ARHGAP6: variants seen among roughly 807,000 people sequenced by gnomAD.
The protein encoded by ARHGAP6 is Rho GTPase activating protein 6, also known as rho GTPase-activating protein 6.
A neutral mutation model predicts 55.7 loss-of-function variants in ARHGAP6; 16 were observed. The observed-to-expected ratio is 0.29, with a 90% CI of 0.19 to 0.44. ARHGAP6 has a LOEUF of 0.44. Among genes scored for constraint, ARHGAP6 ranks in the 20% least tolerant of loss-of-function variants. The probability of loss-of-function intolerance (pLI) is 1.00; values close to 1 mark genes in which losing one functional copy is unlikely to be tolerated. For missense variants in ARHGAP6, 698 were observed against 808.9 expected, an observed-to-expected ratio of 0.86 and a Z score of 1.66; for synonymous variants, 382 against 360.9, an observed-to-expected ratio of 1.06 and a Z score of -0.66.
intron 1 of ARHGAP6, among the ~76,000 whole-genome samples, chrX:11,413,851 AT>A (rs747375131): frequency 8.9e-6 from 1 of 112,364 alleles, no homozygotes; most frequent in African/African-American, 3.2e-5. Flanking sequence ...GACAAGGCAA[AT>A]AGTTTTCAGA....
intron 10 of ARHGAP6, among the ~76,000 whole-genome samples, chrX:11,151,915 C>G (rs1342294254): frequency 8.9e-6 from 1 of 111,850 alleles, no homozygotes; most frequent in African/African-American, 3.2e-5. Context: ...TGCTTTTAGA[C>G]ACAATGCTAT....
chrX:11,496,512 A>T (rs1431610187), intron 1 of ARHGAP6, among the ~76,000 whole-genome samples: 4 of 112,253 alleles, frequency 3.6e-5, no homozygotes, highest in Non-Finnish European at 7.5e-5. Context: ...AGTGTTCCTC[A>T]TTACAGTTGA....
chrX:11,557,490 A>AG (rs1328698407), intron 1 of ARHGAP6, among the ~76,000 whole-genome samples: 1 of 111,392 alleles, frequency 9.0e-6, no homozygotes, highest in Admixed American at 9.5e-5. Context: ...AGGCAAAAAA[A>AG]AAAAATTATG....
At chrX:11,631,525 TAA>T (rs111774178) in intron 1 of ARHGAP6, among the ~76,000 whole-genome samples, 2 of 98,068 alleles carry the variant, frequency 2.0e-5, no homozygotes, top group African/African-American at 3.7e-5. Flanking sequence ...AAACTCCGTC[TAA>T]AAAAAAAAAA....
At chrX:11,657,849 C>G (rs554232803) in intron 1 of ARHGAP6, among the ~76,000 whole-genome samples, 10 of 111,602 alleles carry the variant, frequency 9.0e-5, no homozygotes, top group African/African-American at 3.3e-4. Context: ...CCAAGATTCT[C>G]TGTGTGTGAT....
In ARHGAP6 at chrX:11,186,402, A is replaced by G; in HGVS notation, c.1107T>C (p.Asp369=). The change falls in exon 5 of 13, where the codon GAT becomes GAC. Residue 369 remains aspartate (D), a synonymous_variant. Transcript: ENST00000337414. The part of the protein sequence containing the change: ...RGAMSVDSIT[D]LDDNQSRLLE... Reference sequence around the variant, plus strand: ...GTAGTCGAGACTGATTGTCATCAAGATCGGTGATAGAATCCACTGACATGG... The same window carrying G: ...GTAGTCGAGACTGATTGTCATCAAGGTCGGTGATAGAATCCACTGACATGG... 8.3e-7 allele frequency: 1 copy of G among 1,211,136 alleles called. No individual in the cohort carries two copies. Among genetic ancestry groups the G allele is most frequent in the Non-Finnish European group, 1.1e-6 (1 of 895,217 alleles).
chrX:11,242,268 G>A (rs1049501781), intron 2 of ARHGAP6, among the ~76,000 whole-genome samples: 3 of 112,137 alleles, frequency 2.7e-5, no homozygotes, highest in Non-Finnish European at 5.6e-5. Context: ...AGGTAGGGAA[G>A]CTGATCTCAT....
chrX:11,378,885 C>A (rs1197901550), intron 1 of ARHGAP6, among the ~76,000 whole-genome samples: 1 of 112,717 alleles, frequency 8.9e-6, no homozygotes, highest in Non-Finnish European at 1.9e-5. Context: ...TTCACTCAAG[C>A]CAACTTTCTC....
At chrX:11,412,785 T>C (rs750016007) in intron 1 of ARHGAP6, among the ~76,000 whole-genome samples, 2 of 112,449 alleles carry the variant, frequency 1.8e-5, no homozygotes, top group Admixed American at 9.4e-5. Flanking sequence ...CAAGAAAATA[T>C]TGTTCCCGAA....
intron 1 of ARHGAP6, among the ~76,000 whole-genome samples, chrX:11,476,708 T>A (rs1269638987): frequency 9.0e-6 from 1 of 111,024 alleles, no homozygotes; most frequent in Non-Finnish European, 1.9e-5. Context: ...TCAACAAAGG[T>A]GTCAAAAGTA....
intron 2 of ARHGAP6, among the ~76,000 whole-genome samples, chrX:11,234,123 A>G (rs1198674918): frequency 2.7e-5 from 3 of 111,680 alleles, no homozygotes; most frequent in Non-Finnish European, 5.7e-5. Context: ...AAAAATAACC[A>G]CTCTTTGAAA....
intron 1 of ARHGAP6, among the ~76,000 whole-genome samples, chrX:11,464,345 T>C (rs1406536731): frequency 8.9e-6 from 1 of 112,497 alleles, no homozygotes; most frequent in African/African-American, 3.2e-5. Flanking sequence ...TAAGCTCATA[T>C]GATTAATTTT....
At chrX:11,199,968 C>T (rs750618486) in intron 2 of ARHGAP6, among the ~76,000 whole-genome samples, 1 of 112,106 alleles carries the variant, frequency 8.9e-6, no homozygotes, top group South Asian at 3.7e-4. Flanking sequence ...TCTTGGAGTC[C>T]CCCATTTTTG....
rs766331432 is a variant in ARHGAP6, at chrX:11,664,380, C to T, written c.449G>A (p.Arg150Gln). Residue 150 changes from arginine (R) to glutamine (Q), a missense_variant, in exon 1 of 13, where the codon CGA becomes CAA. This residue lies in a region of ARHGAP6 where 164 missense variants were observed against 149.2 expected (regional missense o/e 1.10). Coordinates refer to ENST00000337414, the MANE Select transcript of ARHGAP6 (RefSeq NM_013427.3). ...TGAACAGAGGATGCTGGAAGCGCTT[C>T]GGCTACTGGCTGGCCCGGCCAGGAC... ...PSVLAGPASS[R>Q]SASSILCSSG... is the part of the protein sequence containing the mutation. The T allele has an allele frequency of 1.3e-5, 16 of 1,211,136 alleles. No homozygotes were observed. The East Asian group carries it at 3.6e-4, about 27-fold the overall frequency.
At chrX:11,614,449 A>G (rs1315443534) in intron 1 of ARHGAP6, among the ~76,000 whole-genome samples, 1 of 111,574 alleles carries the variant, frequency 9.0e-6, no homozygotes, top group Admixed American at 9.5e-5. Flanking sequence ...AGCAGGAGAG[A>G]GAGAACCAAG....
chrX:11,514,734 T>C (rs2050819836), intron 1 of ARHGAP6, among the ~76,000 whole-genome samples: 1 of 111,144 alleles, frequency 9.0e-6, no homozygotes, highest in African/African-American at 3.3e-5. Flanking sequence ...TTCAGTATCT[T>C]CTTGATTTGA....
At chrX:11,149,238 C>A (rs2045741362) in intron 10 of ARHGAP6, among the ~76,000 whole-genome samples, 1 of 111,922 alleles carries the variant, frequency 8.9e-6, no homozygotes, top group African/African-American at 3.3e-5. Flanking sequence ...ATAAAAACAT[C>A]TTCAAATTAA....
Position 11,465,913 on chromosome X carries a change from A to C in ARHGAP6, c.588+198328T>G, listed in dbSNP as rs1283321558. ...TATATTTTCCTACCTGAACTCATGC[A>C]GACGAGTATGTCTCCTCCTCCTCCT... On this transcript the variant is annotated intron_variant, in intron 1 of 12. Transcript: ENST00000337414. Among the ~76,000 whole-genome samples the C allele has an allele frequency of 2.7e-5, 3 of 110,924 alleles. No homozygotes were observed. The Admixed American group carries it at 2.9e-4, about 11-fold the overall frequency.
chrX:11,255,319 T>C (rs1305121833), intron 1 of ARHGAP6, among the ~76,000 whole-genome samples: 1 of 110,954 alleles, frequency 9.0e-6, no homozygotes, highest in African/African-American at 3.3e-5. Flanking sequence ...CTGTTAACCA[T>C]AGTCAAGGGC....
Sources: gnomAD v4.1 joint callset for allele counts (sites outside exome capture counted in the v4.1 genomes callset) on GRCh38, gnomAD v4.1.1 for gene constraint, gnomAD v4.1.1 regional missense constraint, MANE v1.5 for transcripts, NCBI Gene and HGNC (gene_info 2026-07-23, HGNC 2026-07-21) for gene names.